Variants in STRN observed in about 807,000 individuals in gnomAD.
STRN encodes the protein protein phosphatase 2 regulatory subunit B'''alpha.
A neutral mutation model predicts 96.3 loss-of-function variants in STRN; 53 were observed. That is an observed-to-expected ratio of 0.55 (90% confidence interval 0.44 to 0.69). The LOEUF (loss-of-function observed/expected upper bound fraction) is 0.69. STRN is among the 30% of genes least tolerant of loss of function. The pLI is 0.00. For missense variants in STRN, 987 were observed against 963.9 expected (o/e 1.02, Z -0.32); for synonymous variants, 428 against 355.9 (o/e 1.20, Z -2.28).
chr2:36,909,157 C>CAA (rs78134786), intron 3 of STRN, among the ~76,000 whole-genome samples: 453 of 74,028 alleles, frequency 6.1e-3, no homozygotes, highest in African/African-American at 0.02. Context: ...GACTTCATCT[C>CAA]AAAAAAAAAA....
At chr2:36,935,945 T>C (rs1361482643) in intron 1 of STRN, among the ~76,000 whole-genome samples, 1 of 152,040 alleles carries the variant, frequency 6.6e-6, no homozygotes, top group African/African-American at 2.4e-5. Flanking sequence ...GAATTAGAGC[T>C]CCTATTAATA....
At chr2:36,895,980 A>G (rs1421684814) in intron 6 of STRN, among the ~76,000 whole-genome samples, 5 of 152,064 alleles carry the variant, frequency 3.3e-5, no homozygotes, top group Admixed American at 6.6e-5. Flanking sequence ...GGACACCCCA[A>G]TTCTCAGAGT....
rs773426519 is a variant in STRN, at chr2:36,843,896, G to A, written c.*5560C>T. The A allele has an allele frequency of 7.2e-5, 11 of 152,086 alleles. No homozygotes were observed. The highest frequency in any genetic ancestry group is 1.6e-4 in the Non-Finnish European group (11 of 68,006). The allele number at this position is 152,086 out of a possible 1,614,324, so 9.4% of individuals were successfully genotyped here. A position where few individuals can be genotyped will look rare whatever the true frequency, so the allele number is the denominator to read the frequency against. ...TTATCCATACCCTGAATTTACATAA[G>A]AAACTTCTTGCACCACAAAAATTAG... is the stretch of plus-strand genomic sequence containing the variant. On this transcript the variant is annotated 3_prime_UTR_variant, in exon 18 of 18. Coordinates refer to ENST00000263918, the MANE Select transcript of STRN (RefSeq NM_003162.4).
At chr2:36,948,936 C>T (rs184294790) in intron 1 of STRN, among the ~76,000 whole-genome samples, 86 of 152,238 alleles carry the variant, frequency 5.6e-4, no homozygotes, top group African/African-American at 1.9e-3. Flanking sequence ...GATTTATGTA[C>T]AAAGCAAGAT....
chr2:36,909,495 T>A (rs13418962), intron 3 of STRN, among the ~76,000 whole-genome samples: 1 of 151,868 alleles, frequency 6.6e-6, no homozygotes, highest in South Asian at 2.1e-4. Context: ...CTGGACACCA[T>A]GCAACAAAGG....
rs1330370556 is a variant in STRN at position 36,848,632 on chromosome 2, A to G, written c.*824T>C. 6.6e-6 allele frequency: 1 copy of G among 152,218 alleles called. No individual in the cohort carries two copies. The highest frequency in any genetic ancestry group is 1.5e-5 in the Non-Finnish European group (1 of 68,032). 9.4% of individuals were successfully genotyped at this position (152,218 alleles called of 1,614,324 possible). ...AGTGAATTTTAAAATAGAAATTATTAAAGAGATATGCCCTGTTTACCCTTA... is the reference window on the plus strand; with the variant it reads ...AGTGAATTTTAAAATAGAAATTATTGAAGAGATATGCCCTGTTTACCCTTA... On this transcript the variant is annotated 3_prime_UTR_variant, in exon 18 of 18. Transcript: ENST00000263918.
intron 1 of STRN, among the ~76,000 whole-genome samples, chr2:36,941,700 C>T (rs1190606279): frequency 6.7e-6 from 1 of 150,348 alleles, no homozygotes; most frequent in Non-Finnish European, 1.5e-5. Flanking sequence ...CAGGCGCCTG[C>T]CACCCCACCC....
chr2:36,878,084 C>CA, intron 9 of STRN, 57 bp from the exon 10 acceptor site: 5 of 1,594,908 alleles, frequency 3.1e-6, no homozygotes, highest in Non-Finnish European at 4.3e-6. Flanking sequence ...AACATTTAGT[C>CA]TCATTTGCTT....
chr2:36,860,287 G>A (rs1422045408), intron 13 of STRN, among the ~76,000 whole-genome samples: 1 of 152,152 alleles, frequency 6.6e-6, no homozygotes, highest in East Asian at 1.9e-4. Context: ...GACAGAATGA[G>A]GGACAGTTGA....
intron 1 of STRN, among the ~76,000 whole-genome samples, chr2:36,947,693 C>A (rs1664619575): frequency 6.6e-6 from 1 of 151,554 alleles, no homozygotes; most frequent in Admixed American, 6.6e-5. Context: ...GAAATTCCTA[C>A]TCCTGGTTCT....
At chr2:36,941,293 G>T (rs1181581468) in intron 1 of STRN, among the ~76,000 whole-genome samples, 1 of 152,122 alleles carries the variant, frequency 6.6e-6, no homozygotes, top group Non-Finnish European at 1.5e-5. Flanking sequence ...TCTGCAAAAG[G>T]GGACTATAAA....
intron 12 of STRN, among the ~76,000 whole-genome samples, chr2:36,863,333 G>A (rs577682859): frequency 1.6e-4 from 24 of 152,022 alleles, no homozygotes; most frequent in African/African-American, 4.6e-4. Context: ...TCTTTAATCC[G>A]TCTGAATTGA....
chr2:36,874,080 C>T (rs1459775564), intron 10 of STRN, among the ~76,000 whole-genome samples: 1 of 151,070 alleles, frequency 6.6e-6, no homozygotes, highest in South Asian at 2.1e-4. Context: ...ACGGTGAAAA[C>T]CCCATCTCTA....
chr2:36,852,016 C>T (rs1297315870), intron 15 of STRN, among the ~76,000 whole-genome samples: 1 of 152,128 alleles, frequency 6.6e-6, no homozygotes, highest in Non-Finnish European at 1.5e-5. Flanking sequence ...ATCATTAAGC[C>T]TATATTACAG....
chr2:36,906,128 C>T (rs1400237789), intron 3 of STRN, among the ~76,000 whole-genome samples: 1 of 152,060 alleles, frequency 6.6e-6, no homozygotes, highest in African/African-American at 2.4e-5. Flanking sequence ...CTCATGTACC[C>T]CATAAATATA....
At chr2:36,870,102 G>A (rs1558629959) in intron 10 of STRN, among the ~76,000 whole-genome samples, 2 of 152,000 alleles carry the variant, frequency 1.3e-5, no homozygotes, top group Admixed American at 1.3e-4. Context: ...CTTTAAACCT[G>A]CTAACATTTT....
intron 10 of STRN, among the ~76,000 whole-genome samples, chr2:36,870,317 T>C (rs1054992290): frequency 1.3e-5 from 2 of 151,812 alleles, no homozygotes; most frequent in Non-Finnish European, 2.9e-5. Flanking sequence ...AAAAGCACTA[T>C]TTTTTCATTC....
intron 1 of STRN, among the ~76,000 whole-genome samples, chr2:36,949,543 G>A (rs990884501): frequency 2.6e-5 from 4 of 152,194 alleles, no homozygotes; most frequent in Admixed American, 2.0e-4. Context: ...CAGATATGAG[G>A]TGATGAGGTA....
intron 1 of STRN, among the ~76,000 whole-genome samples, chr2:36,925,799 T>G (rs769457210): frequency 1.3e-5 from 2 of 152,106 alleles, no homozygotes; most frequent in African/African-American, 4.8e-5. Flanking sequence ...CAACTAATAT[T>G]AATGCAAACA....
Sources: allele counts gnomAD v4.1 joint callset (sites outside exome capture counted in the v4.1 genomes callset), GRCh38; gene constraint gnomAD v4.1.1; transcripts MANE v1.5; gene names NCBI Gene and HGNC (gene_info 2026-07-23, HGNC 2026-07-21).